TAFA2: variants seen among roughly 807,000 people sequenced by gnomAD.
TAFA2 encodes chemokine-like protein TAFA-2.
In TAFA2, 7 loss-of-function variants were observed where a neutral mutation model predicts 18.8. The observed-to-expected ratio is 0.37, with a 90% CI of 0.21 to 0.70. The LOEUF (loss-of-function observed/expected upper bound fraction) is 0.70, where lower values mean the gene tolerates loss of function less well. Ranked by LOEUF, TAFA2 falls within the 30% of genes least tolerant of loss-of-function variation. The pLI is 0.53. For missense variants in TAFA2, 122 were observed against 158.1 expected (o/e 0.77, Z 1.23); for synonymous variants, 60 against 54.2 (o/e 1.11, Z -0.47).
chr12:61,839,773 T>A (rs1348878558), intron 2 of TAFA2, among the ~76,000 whole-genome samples: 1 of 152,032 alleles, frequency 6.6e-6, no homozygotes, highest in African/African-American at 2.4e-5. Flanking sequence ...TCAGGTACTA[T>A]GTTCACTACT....
At chr12:62,007,306 T>C (rs567434003) in intron 1 of TAFA2, among the ~76,000 whole-genome samples, 1 of 152,324 alleles carries the variant, frequency 6.6e-6, no homozygotes, top group African/African-American at 2.4e-5. Flanking sequence ...TATTACCCTA[T>C]ACGAAATCAC....
At chr12:61,984,176 C>G (rs1879738812) in intron 1 of TAFA2, among the ~76,000 whole-genome samples, 1 of 152,240 alleles carries the variant, frequency 6.6e-6, no homozygotes, top group South Asian at 2.1e-4. Flanking sequence ...ATTGTATTCA[C>G]TGAGCTATCC....
chr12:62,228,071 A>T (rs917001513), intron 1 of TAFA2, among the ~76,000 whole-genome samples: 1 of 152,138 alleles, frequency 6.6e-6, no homozygotes, highest in African/African-American at 2.4e-5. Context: ...ACACGTGTGT[A>T]CATACACACA....
chr12:62,194,941 T>C (rs1375715764), upstream of TAFA2, among the ~76,000 whole-genome samples: 1 of 152,188 alleles, frequency 6.6e-6, no homozygotes, highest in Non-Finnish European at 1.5e-5. Context: ...ACCTTGAAAA[T>C]GGTTTAATGC....
At chr12:62,180,757 G>T (rs1032435266) in intron 1 of TAFA2, among the ~76,000 whole-genome samples, 1 of 151,992 alleles carries the variant, frequency 6.6e-6, no homozygotes, top group Non-Finnish European at 1.5e-5. Context: ...TATCATTGAA[G>T]CCAAGAACAA....
chr12:62,015,532 C>G (rs970203550), intron 1 of TAFA2, among the ~76,000 whole-genome samples: 1 of 152,036 alleles, frequency 6.6e-6, no homozygotes, highest in African/African-American at 2.4e-5. Context: ...TTTGTTTATT[C>G]TATAAATACA....
chr12:62,033,336 A>T (rs1259459593), intron 1 of TAFA2, among the ~76,000 whole-genome samples: 1 of 152,240 alleles, frequency 6.6e-6, no homozygotes, highest in East Asian at 1.9e-4. Flanking sequence ...ATTAGGAAAT[A>T]GATAATGACT....
chr12:62,007,188 C>T (rs185782370), intron 1 of TAFA2, among the ~76,000 whole-genome samples: 2 of 152,258 alleles, frequency 1.3e-5, no homozygotes, highest in East Asian at 3.9e-4. Flanking sequence ...GGGGCTTTTG[C>T]ATTTTCTGAC....
At chr12:61,890,002 C>G (rs1239699925) in intron 1 of TAFA2, among the ~76,000 whole-genome samples, 1 of 152,208 alleles carries the variant, frequency 6.6e-6, no homozygotes, top group Non-Finnish European at 1.5e-5. Context: ...TCCACTGCCA[C>G]AAAATCCAAA....
chr12:61,773,782 A>G (rs1870134596), intron 2 of TAFA2, among the ~76,000 whole-genome samples: 2 of 152,072 alleles, frequency 1.3e-5, no homozygotes, highest in Admixed American at 6.6e-5. Context: ...ACCCTTCTAG[A>G]CATTGGCTTA....
chr12:61,988,045 A>G (rs539252131), intron 1 of TAFA2, among the ~76,000 whole-genome samples: 1 of 152,310 alleles, frequency 6.6e-6, no homozygotes, highest in South Asian at 2.1e-4. Flanking sequence ...ACAGTGGATA[A>G]CAGCCAGGAG....
chr12:61,927,948 G>C (rs527966768), intron 1 of TAFA2, among the ~76,000 whole-genome samples: 5 of 152,252 alleles, frequency 3.3e-5, no homozygotes, highest in African/African-American at 1.2e-4. Context: ...TGGGAAAACT[G>C]GCTAGCCATA....
intron 1 of TAFA2, among the ~76,000 whole-genome samples, chr12:61,896,859 C>T (rs1278396371): frequency 6.6e-6 from 1 of 152,028 alleles, no homozygotes; most frequent in Non-Finnish European, 1.5e-5. Context: ...TATGATGTTT[C>T]CTTTCTTTTG....
intron 1 of TAFA2, chr12:62,255,024 T>C (rs1458338436): frequency 6.6e-6 from 1 of 152,210 alleles, no homozygotes; most frequent in East Asian, 1.9e-4. Context: ...GTAGTATAGA[T>C]TTCCAAGATC....
chr12:62,113,842 C>G (rs1013016148), intron 1 of TAFA2, among the ~76,000 whole-genome samples: 1 of 152,212 alleles, frequency 6.6e-6, no homozygotes, highest in Non-Finnish European at 1.5e-5. Context: ...CGCCCCTCCC[C>G]CAACCAAGCT....
chr12:62,130,786 T>C (rs1447017770), intron 1 of TAFA2, among the ~76,000 whole-genome samples: 1 of 152,040 alleles, frequency 6.6e-6, no homozygotes, highest in East Asian at 1.9e-4. Context: ...AAACACAATA[T>C]GTTTCTTTGA....
At chr12:62,059,620 A>C (rs1457174054) in intron 1 of TAFA2, among the ~76,000 whole-genome samples, 1 of 152,164 alleles carries the variant, frequency 6.6e-6, no homozygotes, top group East Asian at 1.9e-4. Flanking sequence ...AGAAATCTGA[A>C]AGAAATGAAG....
At chr12:61,880,337 G>A (rs1055012866) in intron 1 of TAFA2, 41 of 491,704 alleles carry the variant, frequency 8.3e-5, no homozygotes, top group South Asian at 3.2e-4. Context: ...CACAGATGCC[G>A]AGAAGCGCAG....
intron 1 of TAFA2, chr12:61,878,116 A>G (rs1324546732): frequency 4.4e-6 from 2 of 455,124 alleles, no homozygotes; most frequent in Non-Finnish European, 8.8e-6. Flanking sequence ...GTTGAGACAG[A>G]AAGTAGAATA....
Sources: allele counts gnomAD v4.1 joint callset (sites outside exome capture counted in the v4.1 genomes callset), GRCh38; gene constraint gnomAD v4.1.1; transcripts MANE v1.5; gene names NCBI Gene and HGNC (gene_info 2026-07-23, HGNC 2026-07-21).